The following PLEKHA8 variants were observed in gnomAD, a reference collection of about 807,000 sequenced individuals.
PLEKHA8 encodes the protein pleckstrin homology domain-containing family A member 8.
Under a neutral mutation model 68.2 loss-of-function variants are expected in PLEKHA8, and 36 were observed. That is an observed-to-expected ratio of 0.53 (90% confidence interval 0.40 to 0.70). PLEKHA8 has a LOEUF of 0.70. PLEKHA8 is among the 30% of genes least tolerant of loss of function. PLEKHA8 has a pLI of 0.00. For missense variants in PLEKHA8, 505 were observed against 615.4 expected (o/e 0.82, Z 1.90); for synonymous variants, 211 against 216.1 (o/e 0.98, Z 0.20).
intron 4 of PLEKHA8, among the ~76,000 whole-genome samples, chr7:30,048,382 T>C (rs1046613966): frequency 3.9e-5 from 6 of 152,222 alleles, no homozygotes; most frequent in African/African-American, 9.6e-5. Flanking sequence ...TGCCAACTTA[T>C]TGTCTTTCAT....
At position 30,080,343 on chromosome 7, in the gene PLEKHA8, A is replaced by G; in HGVS notation, c.*1556A>G. ...AAGCCATGGGTACCTTCCCCATTAG[A>G]GGCTACTTCCTTCTAGTAACAGGAA... is the stretch of plus-strand genomic sequence containing the variant. On this transcript the variant is annotated 3_prime_UTR_variant, in exon 14 of 14. Transcript: ENST00000449726. The G allele has an allele frequency of 2.1e-5, 21 of 985,296 alleles. No individual in the cohort carries two copies. Among genetic ancestry groups the G allele is most frequent in the Non-Finnish European group, 2.4e-5 (20 of 829,904 alleles). The allele number at this position is 985,296 out of a possible 1,614,324, so 61.0% of individuals were successfully genotyped here.
intron 1 of PLEKHA8, among the ~76,000 whole-genome samples, chr7:30,039,238 G>T (rs557881804): frequency 6.6e-6 from 1 of 152,296 alleles, no homozygotes; most frequent in African/African-American, 2.4e-5. Context: ...TCTTGGCCAG[G>T]TGCGGTGGCT....
At chr7:30,097,232 C>T (rs1285624488) in intron 13 of PLEKHA8, among the ~76,000 whole-genome samples, 8 of 152,170 alleles carry the variant, frequency 5.3e-5, no homozygotes, top group African/African-American at 9.7e-5. Flanking sequence ...GTGGGTATCC[C>T]GATCTTTCTC....
chr7:30,072,071 T>G (rs1039187326), intron 12 of PLEKHA8: 3 of 152,242 alleles, frequency 2.0e-5, no homozygotes, highest in African/African-American at 7.2e-5. Flanking sequence ...TTTGTTTGGT[T>G]TACATTGAAG....
intron 11 of PLEKHA8, 140 bp downstream of exon 11, chr7:30,062,167 A>G (rs1793495424): frequency 2.0e-6 from 2 of 988,048 alleles, no homozygotes; most frequent in Non-Finnish European, 2.9e-6. Flanking sequence ...GGCCTAATGA[A>G]TAATACCACC....
At chr7:30,088,510 A>AC (rs1161213312), downstream of PLEKHA8, among the ~76,000 whole-genome samples, 35 of 150,652 alleles carry the variant, frequency 2.3e-4, no homozygotes, top group African/African-American at 8.3e-4. Flanking sequence ...CAGAGTGAGA[A>AC]CCCCCAGAGC....
intron 13 of PLEKHA8, among the ~76,000 whole-genome samples, chr7:30,121,474 C>G (rs999067395): frequency 1.3e-5 from 2 of 152,112 alleles, no homozygotes; most frequent in Admixed American, 1.3e-4. Context: ...ACTAAAAATA[C>G]AAAAATTATC....
At chr7:30,129,288 G>C (rs772094142) in exon 14 of PLEKHA8, 1 of 1,612,548 alleles carries the variant, frequency 6.2e-7, no homozygotes, top group East Asian at 2.2e-5. Flanking sequence ...GGGTGTAGAC[G>C]GAACTCCAGA....
chr7:30,102,180 A>G (rs1393526457), intron 13 of PLEKHA8, among the ~76,000 whole-genome samples: 1 of 152,230 alleles, frequency 6.6e-6, no homozygotes, highest in Non-Finnish European at 1.5e-5. Context: ...AGCACATGAA[A>G]AGGTGCTCAA....
chr7:30,045,289 C>G, intron 2 of PLEKHA8, 88 bp downstream of exon 2: 4 of 935,842 alleles, frequency 4.3e-6, no homozygotes, highest in Non-Finnish European at 6.7e-6. Context: ...ATACCTTTCT[C>G]TGCTGCTCCC....
At chr7:30,093,737 C>T (rs942147578), downstream of PLEKHA8, among the ~76,000 whole-genome samples, 3 of 152,244 alleles carry the variant, frequency 2.0e-5, no homozygotes, top group East Asian at 3.8e-4. Context: ...TCATGACCCA[C>T]TTCTGAGTCT....
intron 9 of PLEKHA8, among the ~76,000 whole-genome samples, chr7:30,060,537 C>T (rs1038693229): frequency 1.2e-4 from 18 of 152,256 alleles, no homozygotes; most frequent in African/African-American, 4.3e-4. Flanking sequence ...ACTTCCAGTA[C>T]ATTTTGGTTA....
At chr7:30,072,445 A>G (rs996044776) in intron 12 of PLEKHA8, among the ~76,000 whole-genome samples, 1 of 152,270 alleles carries the variant, frequency 6.6e-6, no homozygotes, top group African/African-American at 2.4e-5. Context: ...CCAATTTTAA[A>G]ATAAAGTTGA....
intron 13 of PLEKHA8, among the ~76,000 whole-genome samples, chr7:30,125,067 A>G (rs1029514478): frequency 5.3e-5 from 8 of 152,194 alleles, no homozygotes; most frequent in Non-Finnish European, 1.2e-4. Context: ...ACAGAAAATT[A>G]GGATATCTTT....
chr7:30,089,193 G>A (rs1230903689), downstream of PLEKHA8, among the ~76,000 whole-genome samples: 1 of 152,114 alleles, frequency 6.6e-6, no homozygotes, highest in Admixed American at 6.5e-5. Flanking sequence ...CGAACAGGCT[G>A]GGCTCATATT....
intron 13 of PLEKHA8, among the ~76,000 whole-genome samples, chr7:30,110,744 T>G (rs936616235): frequency 6.6e-6 from 1 of 152,224 alleles, no homozygotes; most frequent in Non-Finnish European, 1.5e-5. Flanking sequence ...TGAGTGCAAG[T>G]GTGAAGTAGA....
chr7:30,047,894 C>T lies in PLEKHA8; in HGVS notation c.376C>T (p.Leu126Phe). ...GTCAGAACTAAGACTCTACTGTGAC[C>T]TCCTTGTTCAGCAAGTAGATAAAAC... Reference protein sequence around the residue: ...KMSELRLYCDLLVQQVDKTKE... With the variant: ...KMSELRLYCDFLVQQVDKTKE... The change falls in exon 4 of 14, where the codon CTC becomes TTC. Residue 126 changes from leucine to phenylalanine, a missense_variant. By Grantham distance (22) the Leu-to-Phe change is conservative (BLOSUM62 0). Coordinates refer to ENST00000449726, the MANE Select transcript of PLEKHA8 (RefSeq NM_001197026.2). The T allele has an allele frequency of 6.2e-7, 1 of 1,608,200 alleles. No individual in the cohort carries two copies. Among genetic ancestry groups the T allele is most frequent in the Non-Finnish European group, 8.5e-7 (1 of 1,175,734 alleles).
At chr7:30,045,632 A>G (rs1791894080) in intron 2 of PLEKHA8, among the ~76,000 whole-genome samples, 1 of 152,206 alleles carries the variant, frequency 6.6e-6, no homozygotes, top group South Asian at 2.1e-4. Flanking sequence ...TTTTGTCTTG[A>G]GACATGCTGA....
chr7:30,049,298 G>A lies in PLEKHA8; in HGVS notation c.513G>A (p.Gln171=), dbSNP rs751181212. The change falls in exon 5 of 14, where the codon CAG becomes CAA. Residue 171 remains glutamine (Q), a synonymous_variant. Transcript: ENST00000449726. ...TFLKTLEECM[Q]IANAAFTSEL... Reference sequence around the variant, plus strand: ...TGAAGACCTTGGAAGAATGCATGCAGATCGCAAATGCAGCCTTCACCTCTG... The same window carrying A: ...TGAAGACCTTGGAAGAATGCATGCAAATCGCAAATGCAGCCTTCACCTCTG... 2 of 1,613,972 alleles carry A rather than the reference G, an allele frequency of 1.2e-6. No individual in the cohort carries two copies. Among genetic ancestry groups the A allele is most frequent in the Non-Finnish European group, 1.7e-6 (2 of 1,180,028 alleles).
Sources: gnomAD v4.1 joint callset for allele counts (sites outside exome capture counted in the v4.1 genomes callset) on GRCh38, gnomAD v4.1.1 for gene constraint, MANE v1.5 for transcripts, NCBI Gene and HGNC (gene_info 2026-07-23, HGNC 2026-07-21) for gene names.